The following ARHGAP22 variants were observed in gnomAD, a reference collection of about 807,000 sequenced individuals.
The protein encoded by ARHGAP22 is Rho GTPase activating protein 22.
In ARHGAP22, 48 loss-of-function variants were observed where a neutral mutation model predicts 59.1. The ratio of observed to expected loss-of-function variants is 0.81; its 90% confidence interval spans 0.64 to 1.03. The LOEUF is 1.03. Ranked by LOEUF, ARHGAP22 falls within the 50% of genes least tolerant of loss-of-function variation. The pLI, the probability that ARHGAP22 is intolerant of heterozygous loss-of-function variation, is 0.00. For synonymous variants in ARHGAP22, 445 were observed against 416.4 expected, an observed-to-expected ratio of 1.07 and a Z score of -0.84; for missense variants, 1,015 against 958.7, an observed-to-expected ratio of 1.06 and a Z score of -0.78.
intron 1 of ARHGAP22, among the ~76,000 whole-genome samples, chr10:48,611,416 AAAG>A (rs2060879073): frequency 6.6e-6 from 1 of 152,080 alleles, no homozygotes. Context: ...CCTTCCTAGA[AAAG>A]AAGGGGGGAG....
At chr10:48,596,622 A>T (rs761518578) in intron 1 of ARHGAP22, among the ~76,000 whole-genome samples, 7 of 152,196 alleles carry the variant, frequency 4.6e-5, no homozygotes, top group Non-Finnish European at 8.8e-5. Flanking sequence ...CATAGGACCC[A>T]CATTCCTGTC....
chr10:48,647,009 T>C (rs1285447786), intron 1 of ARHGAP22, among the ~76,000 whole-genome samples: 1 of 152,224 alleles, frequency 6.6e-6, no homozygotes, highest in African/African-American at 2.4e-5. Flanking sequence ...GATTTGTATC[T>C]AGAACATGTA....
At chr10:48,597,814 G>C (rs2060156524) in intron 1 of ARHGAP22, among the ~76,000 whole-genome samples, 1 of 152,188 alleles carries the variant, frequency 6.6e-6, no homozygotes, top group African/African-American at 2.4e-5. Context: ...TTCATTTTCT[G>C]CCTGCCTATG....
At chr10:48,596,487 G>C (rs538183592) in intron 1 of ARHGAP22, among the ~76,000 whole-genome samples, 2 of 152,284 alleles carry the variant, frequency 1.3e-5, no homozygotes, top group African/African-American at 4.8e-5. Context: ...AGGGATGAAT[G>C]AATGAGGTGA....
intron 4 of ARHGAP22, among the ~76,000 whole-genome samples, chr10:48,461,686 G>A (rs2047147577): frequency 6.6e-6 from 1 of 152,220 alleles, no homozygotes; most frequent in Non-Finnish European, 1.5e-5. Context: ...AGTAACTGGA[G>A]AAACAGACTT....
chr10:48,523,973 C>T, intron 3 of ARHGAP22: 1 of 1,343,174 alleles, frequency 7.4e-7, no homozygotes, highest in Non-Finnish European at 9.8e-7. Flanking sequence ...CTGGACACCC[C>T]GTGGCGAGTC....
intron 1 of ARHGAP22, among the ~76,000 whole-genome samples, chr10:48,645,505 T>C (rs1303612600): frequency 2.0e-5 from 3 of 152,182 alleles, no homozygotes; most frequent in African/African-American, 7.2e-5. Flanking sequence ...TACACATCTA[T>C]ATATTTTATT....
At chr10:48,474,065 A>C (rs1243460460) in intron 4 of ARHGAP22, among the ~76,000 whole-genome samples, 1 of 151,682 alleles carries the variant, frequency 6.6e-6, no homozygotes, top group Non-Finnish European at 1.5e-5. Context: ...AACAATATCA[A>C]CTCTTCTCAT....
At chr10:48,493,763 T>A (rs1051906974) in intron 3 of ARHGAP22, 21 of 859,978 alleles carry the variant, frequency 2.4e-5, no homozygotes, top group Non-Finnish European at 3.0e-5. Context: ...GTGGTTGTTC[T>A]GCATCCGCAT....
At chr10:48,565,372 A>C (rs1349871424) in intron 2 of ARHGAP22, among the ~76,000 whole-genome samples, 1 of 152,140 alleles carries the variant, frequency 6.6e-6, no homozygotes, top group African/African-American at 2.4e-5. Context: ...GTTTTGTGTG[A>C]GCTCATGACT....
intron 3 of ARHGAP22, among the ~76,000 whole-genome samples, chr10:48,499,932 G>A (rs1187193522): frequency 2.6e-5 from 4 of 152,172 alleles, no homozygotes; most frequent in Non-Finnish European, 4.4e-5. Context: ...AATATGAATA[G>A]CATTTCTTTT....
At chr10:48,628,297 C>T (rs1037278229) in intron 1 of ARHGAP22, among the ~76,000 whole-genome samples, 1 of 152,238 alleles carries the variant, frequency 6.6e-6, no homozygotes, top group Admixed American at 6.5e-5. Context: ...TGAGCATCTA[C>T]CAGGCACCTA....
At chr10:48,433,647 A>G in the ARHGAP22 span, among the ~76,000 whole-genome samples, 1 of 152,144 alleles carries the variant, frequency 6.6e-6, no homozygotes, top group South Asian at 2.1e-4. Flanking sequence ...TCTGTATCCC[A>G]GTCCCCTCCC....
rs547350789 is a variant in ARHGAP22, at chr10:48,591,116, G to A, written c.35-7964C>T. 6.6e-5 allele frequency among the ~76,000 whole-genome samples: 10 copies of A among 152,312 alleles called. No homozygotes were observed. In the South Asian group the frequency reaches 2.1e-3, roughly 32 times the overall value. The stretch of plus-strand genomic sequence containing the variant: ...TTCTGAGACTGCAAATGGAGCCTGA[G>A]TAGCCCTTAAGTGCTTCAGCTCAGA... On this transcript the variant is annotated intron_variant, in intron 1 of 9. Coordinates refer to ENST00000249601, the MANE Select transcript of ARHGAP22 (RefSeq NM_021226.4).
rs1233026357 is a variant in ARHGAP22 at position 48,450,711 on chromosome 10, C to G, written c.1418G>C (p.Arg473Pro). 6 of 1,553,298 alleles carry G rather than the reference C, an allele frequency of 3.9e-6. No homozygotes were observed. Among genetic ancestry groups the G allele is most frequent in the African/African-American group, 1.4e-5 (1 of 73,298 alleles). ...CTTGAGCCGGTCTCCCGACGAGGCC[C>G]GGCGGTGTCCGCGCAGGGAGGACAG... ...NGLSSLRGHR[R>P]ASSGDRLKDS... is the part of the protein sequence containing the mutation. Residue 473 changes from arginine to proline, a missense_variant, in exon 9 of 10, where the codon CGG becomes CCG. Arg to Pro is a moderately radical substitution (Grantham distance 103). Coordinates refer to ENST00000249601, the MANE Select transcript of ARHGAP22 (RefSeq NM_021226.4).
At chr10:48,518,637 G>A in intron 3 of ARHGAP22, among the ~76,000 whole-genome samples, 1 of 152,160 alleles carries the variant, frequency 6.6e-6, no homozygotes, top group East Asian at 1.9e-4. Context: ...GTATGGCACT[G>A]AGAATCAACT....
At chr10:48,447,961 C>T (rs1408377258) in intron 9 of ARHGAP22, among the ~76,000 whole-genome samples, 1 of 151,816 alleles carries the variant, frequency 6.6e-6, no homozygotes, top group African/African-American at 2.4e-5. Flanking sequence ...CCCCATAGGG[C>T]CACACCCCCC....
intron 3 of ARHGAP22, among the ~76,000 whole-genome samples, chr10:48,542,205 C>T (rs2056022705): frequency 1.3e-5 from 2 of 152,062 alleles, no homozygotes; most frequent in African/African-American, 2.4e-5. Flanking sequence ...AAGGAATGTT[C>T]GAAGGTTGTA....
At chr10:48,634,741 A>C (rs1461211073) in intron 1 of ARHGAP22, among the ~76,000 whole-genome samples, 2 of 152,148 alleles carry the variant, frequency 1.3e-5, no homozygotes, top group Non-Finnish European at 2.9e-5. Context: ...TTCATGATGA[A>C]GCCTAACCCC....
Sources: gnomAD v4.1 joint callset for allele counts (sites outside exome capture counted in the v4.1 genomes callset) on GRCh38, gnomAD v4.1.1 for gene constraint, MANE v1.5 for transcripts, NCBI Gene and HGNC (gene_info 2026-07-23, HGNC 2026-07-21) for gene names.